The following UTRN variants were observed in gnomAD, a reference collection of about 807,000 sequenced individuals.
UTRN encodes utrophin, also known as dystrophin-related protein 1.
A neutral mutation model predicts 463.9 loss-of-function variants in UTRN; 283 were observed. The ratio of observed to expected loss-of-function variants is 0.61; its 90% CI spans 0.55 to 0.67. The LOEUF is 0.67. Among genes scored for constraint, UTRN ranks in the 30% least tolerant of loss-of-function variants. The pLI, the probability that UTRN is intolerant of heterozygous loss-of-function variation, is 0.00. For synonymous variants in UTRN, 1,442 were observed against 1,431.5 expected (o/e 1.01, Z -0.17); for missense variants, 3,922 against 4,084.3 (o/e 0.96, Z 1.08).
intron 6 of UTRN, among the ~76,000 whole-genome samples, chr6:144,425,439 G>T (rs185096144): frequency 7.5e-4 from 114 of 152,226 alleles, no homozygotes; most frequent in African/African-American, 2.6e-3. Context: ...CTTTGAGACT[G>T]TATAAATATT....
chr6:144,513,190 G>A (rs1795321792), intron 35 of UTRN, among the ~76,000 whole-genome samples: 1 of 152,190 alleles, frequency 6.6e-6, no homozygotes, highest in African/African-American at 2.4e-5. Flanking sequence ...TGTCCTTTGA[G>A]CAGAGCATAC....
chr6:144,641,335 AAG>A (rs1463851725), intron 51 of UTRN, among the ~76,000 whole-genome samples: 1 of 152,208 alleles, frequency 6.6e-6, no homozygotes, highest in African/African-American at 2.4e-5. Context: ...TATTGGTTGA[AAG>A]AATTATTCAA....
chr6:144,366,034 G>T (rs1779477423), intron 2 of UTRN, among the ~76,000 whole-genome samples: 2 of 152,194 alleles, frequency 1.3e-5, no homozygotes. Flanking sequence ...CACCGCACCT[G>T]GCCTGGGAAT....
At chr6:144,421,469 C>T (rs145071853) in intron 3 of UTRN, among the ~76,000 whole-genome samples, 18,584 of 151,832 alleles carry the variant, frequency 0.12, 1,275 homozygotes, top group East Asian at 0.22. Context: ...GTGGGCGGAT[C>T]ATGAGGTCAG....
chr6:144,591,961 A>C (rs530867648), intron 51 of UTRN, among the ~76,000 whole-genome samples: 1 of 152,240 alleles, frequency 6.6e-6, no homozygotes, highest in South Asian at 2.1e-4. Flanking sequence ...AGAATTTTAA[A>C]AGTCTAGAGT....
At chr6:144,805,504 C>G (rs145428341) in intron 65 of UTRN, among the ~76,000 whole-genome samples, 164 of 152,210 alleles carry the variant, frequency 1.1e-3, no homozygotes, top group African/African-American at 3.8e-3. Context: ...AGAAACAGAA[C>G]ATATAGTGGT....
intron 53 of UTRN, among the ~76,000 whole-genome samples, chr6:144,722,191 T>G (rs1787260099): frequency 6.6e-6 from 1 of 152,182 alleles, no homozygotes; most frequent in Non-Finnish European, 1.5e-5. Flanking sequence ...CTTCACTCAC[T>G]CAGCTCTGAG....
intron 58 of UTRN, among the ~76,000 whole-genome samples, chr6:144,767,718 T>C (rs1793514844): frequency 6.6e-6 from 1 of 152,214 alleles, no homozygotes; most frequent in Non-Finnish European, 1.5e-5. Flanking sequence ...CATCCTGACC[T>C]AGTATATTTT....
chr6:144,827,459 C>A (rs1216104672), intron 67 of UTRN, 73 bp downstream of exon 67: 48 of 1,607,048 alleles, frequency 3.0e-5, no homozygotes, highest in Non-Finnish European at 4.1e-5. Context: ...TTACTAAACT[C>A]TTGGTCTAAA....
At chr6:144,742,086 TAAAA>T (rs11374091) in intron 54 of UTRN, among the ~76,000 whole-genome samples, 1 of 151,474 alleles carries the variant, frequency 6.6e-6, no homozygotes, top group Non-Finnish European at 1.5e-5. Context: ...TCTCTTTTCT[TAAAA>T]AAAGAAAAAA....
At chr6:144,429,185 TG>T (rs2114866582) in intron 8 of UTRN, among the ~76,000 whole-genome samples, 1 of 152,330 alleles carries the variant, frequency 6.6e-6, no homozygotes, top group South Asian at 2.1e-4. Context: ...ATTCAGTATC[TG>T]GTTAGTCCAA....
rs576993499 is a variant in UTRN, at chr6:144,320,958, GGCACTCAGACAAGCTC to G, written c.79+29054_79+29069del. On this transcript the variant is annotated intron_variant, in intron 2 of 74. Coordinates refer to ENST00000367545, the MANE Select transcript of UTRN (RefSeq NM_007124.3). ...GGAGTGGGGGGAGGTGCTCGTGGCAGGCACTCAGACAAGCTCGCTGTGCAGCAGTGGCTCTGAGGGC... is the reference window on the plus strand; with the variant it reads ...GGAGTGGGGGGAGGTGCTCGTGGCAGGCTGTGCAGCAGTGGCTCTGAGGGC... Among the ~76,000 whole-genome samples the G allele has an allele frequency of 1.9e-3, 283 of 152,248 alleles. 7 individuals are homozygous for G. In the East Asian group the frequency reaches 0.038, roughly 20 times the overall value.
At chr6:144,627,918 GC>G in intron 51 of UTRN, among the ~76,000 whole-genome samples, 1 of 150,296 alleles carries the variant, frequency 6.7e-6, no homozygotes, top group East Asian at 2.0e-4. Flanking sequence ...TCCTGCCTCA[GC>G]CTCCTGAGTA....
intron 66 of UTRN, among the ~76,000 whole-genome samples, chr6:144,825,863 ATCT>A (rs1485300348): frequency 6.6e-6 from 1 of 152,052 alleles, no homozygotes; most frequent in Non-Finnish European, 1.5e-5. Context: ...TTGTTATTGT[ATCT>A]ATTTTACACA....
At position 144,821,157 on chromosome 6, in the gene UTRN, C is replaced by G. The variant is rs1222189201; in HGVS notation, c.9494+139C>G. 2.7e-6 allele frequency: 3 copies of G among 1,108,114 alleles called. No individual in the cohort carries two copies. The East Asian group carries it at 8.3e-5, about 31-fold the overall frequency. 68.6% of individuals were successfully genotyped at this position (1,108,114 alleles called of 1,614,324 possible). A position where few individuals can be genotyped will look rare whatever the true frequency, so the allele number is the denominator to read the frequency against. The stretch of plus-strand genomic sequence containing the variant: ...AAATTAAACTTGGAATCAGTCTTCA[C>G]AACATGAATTTTTACAATTCACTTT... On this transcript the variant is annotated intron_variant, in intron 66 of 74. Coordinates refer to ENST00000367545, the MANE Select transcript of UTRN (RefSeq NM_007124.3).
intron 2 of UTRN, among the ~76,000 whole-genome samples, chr6:144,365,020 C>A (rs1377071872): frequency 6.6e-6 from 1 of 152,222 alleles, no homozygotes; most frequent in African/African-American, 2.4e-5. Flanking sequence ...CTTTCATCTG[C>A]AACCTCAATT....
At chr6:144,302,708 C>A (rs768462725) in intron 2 of UTRN, among the ~76,000 whole-genome samples, 6 of 152,146 alleles carry the variant, frequency 3.9e-5, no homozygotes, top group Non-Finnish European at 8.8e-5. Flanking sequence ...CCCACACAAA[C>A]CAGGGACACA....
At chr6:144,594,866 A>G (rs531261181) in intron 51 of UTRN, among the ~76,000 whole-genome samples, 8 of 152,278 alleles carry the variant, frequency 5.3e-5, no homozygotes, top group African/African-American at 1.4e-4. Context: ...TTTTGAAACC[A>G]TGGGATTAGG....
intron 2 of UTRN, among the ~76,000 whole-genome samples, chr6:144,313,547 G>A (rs1041645347): frequency 6.6e-5 from 10 of 152,180 alleles, no homozygotes; most frequent in African/African-American, 1.9e-4. Context: ...GTCTGCCCAT[G>A]CTGGCTCCAT....
Sources: allele counts gnomAD v4.1 joint callset (sites outside exome capture counted in the v4.1 genomes callset), GRCh38; gene constraint gnomAD v4.1.1; transcripts MANE v1.5; gene names NCBI Gene and HGNC (gene_info 2026-07-23, HGNC 2026-07-21).